FSTL5: variants seen among roughly 807,000 people sequenced by gnomAD.
FSTL5 encodes the protein follistatin-related protein 5.
In FSTL5, 62 loss-of-function variants were observed where a neutral mutation model predicts 89.1. The observed-to-expected ratio is 0.70, with a 90% CI of 0.57 to 0.86. FSTL5 has a LOEUF of 0.86. FSTL5 is among the 40% of genes least tolerant of loss of function. The probability of loss-of-function intolerance (pLI) is 0.00; values close to 1 mark genes in which losing one functional copy is unlikely to be tolerated. For missense variants in FSTL5, 1,057 were observed against 1,001.6 expected, an observed-to-expected ratio of 1.06 and a Z score of -0.75; for synonymous variants, 383 against 346.2, an observed-to-expected ratio of 1.11 and a Z score of -1.18.
intron 6 of FSTL5, among the ~76,000 whole-genome samples, chr4:161,752,854 C>T (rs1740446399): frequency 6.6e-6 from 1 of 151,976 alleles, no homozygotes; most frequent in Non-Finnish European, 1.5e-5. Flanking sequence ...GTTTTTTGTC[C>T]TTATGAGACA....
chr4:161,971,356 A>C (rs932365179), intron 3 of FSTL5, among the ~76,000 whole-genome samples: 4 of 152,196 alleles, frequency 2.6e-5, no homozygotes, highest in African/African-American at 9.6e-5. Flanking sequence ...CAAATCCCAT[A>C]GTAAAGTATT....
At chr4:162,105,998 G>C (rs144865239) in intron 2 of FSTL5, among the ~76,000 whole-genome samples, 1 of 151,964 alleles carries the variant, frequency 6.6e-6, no homozygotes, top group African/African-American at 2.4e-5. Context: ...TCTTTCCCTA[G>C]AGTTCTCTAC....
intron 8 of FSTL5, among the ~76,000 whole-genome samples, chr4:161,549,587 T>A (rs112356873): frequency 6.6e-6 from 1 of 152,030 alleles, no homozygotes; most frequent in Non-Finnish European, 1.5e-5. Flanking sequence ...CATGAGAGTA[T>A]ATGTAACATA....
chr4:161,906,223 C>G (rs1429163009), intron 4 of FSTL5, among the ~76,000 whole-genome samples: 1 of 151,910 alleles, frequency 6.6e-6, no homozygotes, highest in Non-Finnish European at 1.5e-5. Context: ...GGAATAATAA[C>G]CATACTTTCT....
At chr4:161,656,214 A>G in intron 7 of FSTL5, 114 bp downstream of exon 7, 1 of 511,146 alleles carries the variant, frequency 2.0e-6, no homozygotes, top group East Asian at 3.3e-5. Flanking sequence ...CAATGTCCCA[A>G]TAATTCTCTT....
In FSTL5 at chr4:161,840,548, T is replaced by G. The variant is rs571776941; in HGVS notation, c.410-64474A>C. Among the ~76,000 whole-genome samples the G allele has an allele frequency of 2.0e-5, 3 of 152,322 alleles. No homozygotes were observed. In the South Asian group the frequency reaches 6.2e-4, roughly 32 times the overall value. ...CCTCAGGTAGTAGTCCCAAACCCTG[T>G]TGATATCTACAGACGTGAACAGTAA... On this transcript the variant is annotated intron_variant, in intron 4 of 15. Transcript: ENST00000306100.
chr4:162,151,230 G>T (rs1410555471), intron 1 of FSTL5, among the ~76,000 whole-genome samples: 2 of 152,006 alleles, frequency 1.3e-5, no homozygotes, highest in African/African-American at 4.8e-5. Flanking sequence ...AAATTAGCAG[G>T]TTTTATATTT....
At chr4:161,875,797 A>G (rs2126904932) in intron 4 of FSTL5, among the ~76,000 whole-genome samples, 1 of 152,280 alleles carries the variant, frequency 6.6e-6, no homozygotes, top group South Asian at 2.1e-4. Flanking sequence ...TTTGGCCAAT[A>G]CTGGGGGCAT....
intron 4 of FSTL5, among the ~76,000 whole-genome samples, chr4:161,910,950 GTC>G (rs1733673574): frequency 6.6e-6 from 1 of 151,880 alleles, no homozygotes; most frequent in South Asian, 2.1e-4. Flanking sequence ...TTCCTGATCT[GTC>G]ACCTGATAGC....
intron 6 of FSTL5, among the ~76,000 whole-genome samples, chr4:161,751,208 A>G (rs1367635043): frequency 6.6e-6 from 1 of 152,172 alleles, no homozygotes; most frequent in Non-Finnish European, 1.5e-5. Context: ...TTATTTTACC[A>G]TGGGAAAAAC....
At chr4:161,503,718 T>A (rs749760915) in intron 11 of FSTL5, among the ~76,000 whole-genome samples, 4 of 151,872 alleles carry the variant, frequency 2.6e-5, no homozygotes, top group Non-Finnish European at 5.9e-5. Flanking sequence ...GGCCAATATA[T>A]ATAGTGTTCA....
intron 4 of FSTL5, among the ~76,000 whole-genome samples, chr4:161,889,742 G>T (rs1381540565): frequency 6.6e-6 from 1 of 152,198 alleles, no homozygotes; most frequent in Non-Finnish European, 1.5e-5. Context: ...TTTCTGATGT[G>T]CATGACTGTA....
intron 11 of FSTL5, among the ~76,000 whole-genome samples, chr4:161,507,722 G>A (rs1578885727): frequency 6.6e-6 from 1 of 151,834 alleles, no homozygotes; most frequent in Admixed American, 6.6e-5. Context: ...AGATTGGTAA[G>A]ATAATACATA....
At chr4:161,878,201 T>C (rs1732510893) in intron 4 of FSTL5, among the ~76,000 whole-genome samples, 1 of 152,144 alleles carries the variant, frequency 6.6e-6, no homozygotes, top group African/African-American at 2.4e-5. Context: ...TGAGAAGTGC[T>C]ATACTTCCTA....
chr4:161,604,911 T>C (rs568376192), intron 7 of FSTL5, among the ~76,000 whole-genome samples: 1 of 152,306 alleles, frequency 6.6e-6, no homozygotes, highest in South Asian at 2.1e-4. Context: ...CACGGTTAAA[T>C]AGGTGAAATA....
intron 10 of FSTL5, among the ~76,000 whole-genome samples, chr4:161,519,291 C>T (rs72685714): frequency 0.076 from 11,517 of 152,076 alleles, 567 homozygotes; most frequent in Middle Eastern, 0.14. Flanking sequence ...CTTTGGGAGA[C>T]CGGGGTGAAT....
chr4:161,910,882 A>G (rs1465975135), intron 4 of FSTL5, among the ~76,000 whole-genome samples: 2 of 152,172 alleles, frequency 1.3e-5, no homozygotes, highest in African/African-American at 4.8e-5. Context: ...CACAATTCTT[A>G]ATGTATTATT....
chr4:161,931,653 A>G (rs1165146811), intron 3 of FSTL5, among the ~76,000 whole-genome samples: 1 of 151,898 alleles, frequency 6.6e-6, no homozygotes, highest in African/African-American at 2.4e-5. Flanking sequence ...AAATGAATAA[A>G]CTGGTGGTCA....
chr4:161,648,231 T>C (rs1293753451), intron 7 of FSTL5, among the ~76,000 whole-genome samples: 1 of 152,170 alleles, frequency 6.6e-6, no homozygotes, highest in African/African-American at 2.4e-5. Flanking sequence ...AAGCCGCCTA[T>C]AGACTGCAAA....
Sources: allele counts gnomAD v4.1 joint callset (sites outside exome capture counted in the v4.1 genomes callset), GRCh38; gene constraint gnomAD v4.1.1; transcripts MANE v1.5; gene names NCBI Gene and HGNC (gene_info 2026-07-23, HGNC 2026-07-21).